EXOC4: variants seen among roughly 807,000 people sequenced by gnomAD.
EXOC4 encodes the protein exocyst complex component 4, also known as SEC8-like 1.
In EXOC4, 71 loss-of-function variants were observed where a neutral mutation model predicts 107.2. The observed-to-expected ratio is 0.66, with a 90% confidence interval of 0.55 to 0.81. The LOEUF is 0.81. EXOC4 is among the 30% of genes least tolerant of loss of function. EXOC4 has a pLI of 0.00. For missense variants in EXOC4, 1,108 were observed against 1,189.6 expected, an observed-to-expected ratio of 0.93 and a Z score of 1.01; for synonymous variants, 456 against 441.2, an observed-to-expected ratio of 1.03 and a Z score of -0.42.
chr7:133,772,380 A>T (rs926529829), intron 10 of EXOC4, among the ~76,000 whole-genome samples: 1 of 152,070 alleles, frequency 6.6e-6, no homozygotes, highest in African/African-American at 2.4e-5. Context: ...CATTAAATTC[A>T]AACTAGCAGG....
chr7:134,010,700 T>C (rs954794776), intron 17 of EXOC4, among the ~76,000 whole-genome samples: 1 of 152,232 alleles, frequency 6.6e-6, no homozygotes, highest in Middle Eastern at 3.2e-3. Flanking sequence ...ATAGGAATGT[T>C]ATCTTCTAAC....
intron 17 of EXOC4, among the ~76,000 whole-genome samples, chr7:134,054,350 C>G (rs537586961): frequency 6.6e-6 from 1 of 152,184 alleles, no homozygotes; most frequent in East Asian, 1.9e-4. Flanking sequence ...AAGGTTTCTC[C>G]CAACTATTGA....
At chr7:133,263,071 C>T (rs946133548) in intron 1 of EXOC4, among the ~76,000 whole-genome samples, 18 of 152,142 alleles carry the variant, frequency 1.2e-4, no homozygotes, top group Non-Finnish European at 2.4e-4. Flanking sequence ...TGACTTTGCT[C>T]CTCATTCGCC....
Position 133,619,984 on chromosome 7 carries a change from C to CTGTG in EXOC4, c.1418-10039_1418-10036dup, listed in dbSNP as rs34442997. Among the ~76,000 whole-genome samples, 1,153 of 149,554 alleles carry CTGTG rather than the reference C, an allele frequency of 7.7e-3. 12 individuals are homozygous for CTGTG. Among genetic ancestry groups the CTGTG allele is most frequent in the African/African-American group, 0.023 (945 of 40,694 alleles). On this transcript the variant is annotated intron_variant, in intron 9 of 17. Coordinates refer to ENST00000253861, the MANE Select transcript of EXOC4 (RefSeq NM_021807.4). ...CCTACCTTCTCTGTCTCCCTGTTTT[C>CTGTG]TGTGTGTGTGTGTGTGTGTGTGTGT...
intron 9 of EXOC4, among the ~76,000 whole-genome samples, chr7:133,597,447 G>A (rs1279840552): frequency 6.6e-6 from 1 of 151,570 alleles, no homozygotes; most frequent in Non-Finnish European, 1.5e-5. Flanking sequence ...CCAGCTGCTC[G>A]GCAGGCTGAG....
At chr7:133,866,800 A>G (rs1417481244) in intron 11 of EXOC4, among the ~76,000 whole-genome samples, 1 of 152,218 alleles carries the variant, frequency 6.6e-6, no homozygotes, top group Non-Finnish European at 1.5e-5. Flanking sequence ...AACTTGATCT[A>G]TGCATCCATT....
intron 17 of EXOC4, among the ~76,000 whole-genome samples, chr7:134,031,553 G>T (rs1361342698): frequency 6.6e-6 from 1 of 152,178 alleles, no homozygotes; most frequent in East Asian, 1.9e-4. Context: ...GGACTAAGGA[G>T]CTTCCAGGTA....
Position 133,382,384 on chromosome 7 carries a change from T to C in EXOC4, c.1182+7382T>C, listed in dbSNP as rs540011804. Among the ~76,000 whole-genome samples the C allele has an allele frequency of 4.7e-4, 71 of 152,278 alleles. 1 individual carries two copies. Among genetic ancestry groups the C allele is most frequent in the African/African-American group, 1.6e-3 (67 of 41,550 alleles). The stretch of plus-strand genomic sequence containing the variant: ...TAAATTATTGGGACCAACTATGTAC[T>C]GAGTACTGGGGAATAGAAAAAAATA... On this transcript the variant is annotated intron_variant, in intron 7 of 17. Coordinates refer to ENST00000253861, the MANE Select transcript of EXOC4 (RefSeq NM_021807.4).
intron 7 of EXOC4, among the ~76,000 whole-genome samples, chr7:133,418,787 T>C (rs1369633931): frequency 1.3e-5 from 2 of 152,198 alleles, no homozygotes; most frequent in Non-Finnish European, 1.5e-5. Flanking sequence ...GTGCATATCC[T>C]CTGACGCTGG....
intron 7 of EXOC4, among the ~76,000 whole-genome samples, chr7:133,433,952 C>G (rs1797910172): frequency 6.6e-6 from 1 of 152,104 alleles, no homozygotes; most frequent in Non-Finnish European, 1.5e-5. Flanking sequence ...GTTGTATGTC[C>G]TTAGTGGTAC....
At chr7:133,338,797 A>T (rs1428843441) in intron 5 of EXOC4, among the ~76,000 whole-genome samples, 2 of 127,460 alleles carry the variant, frequency 1.6e-5, no homozygotes, top group Non-Finnish European at 3.1e-5. Context: ...CTCGTTGCCC[A>T]GGCTGGAGTG....
intron 9 of EXOC4, among the ~76,000 whole-genome samples, chr7:133,508,704 C>T (rs1799711589): frequency 6.6e-6 from 1 of 152,128 alleles, no homozygotes; most frequent in Admixed American, 6.5e-5. Context: ...TACCTGTCTC[C>T]TCCATTTGGG....
intron 3 of EXOC4, among the ~76,000 whole-genome samples, chr7:133,304,633 A>G (rs1295482313): frequency 6.6e-6 from 1 of 152,158 alleles, no homozygotes; most frequent in Non-Finnish European, 1.5e-5. Flanking sequence ...TTCTCTGTTC[A>G]CTGTCCACAG....
At chr7:134,006,208 T>C (rs893250522) in intron 16 of EXOC4, among the ~76,000 whole-genome samples, 2 of 151,506 alleles carry the variant, frequency 1.3e-5, no homozygotes, top group African/African-American at 4.8e-5. Context: ...ATATTTATTA[T>C]AATATATTAT....
At chr7:133,848,830 G>A (rs951406432) in intron 11 of EXOC4, among the ~76,000 whole-genome samples, 2 of 152,148 alleles carry the variant, frequency 1.3e-5, no homozygotes, top group South Asian at 2.1e-4. Context: ...TTCGAAATTT[G>A]GGAGCATCAG....
chr7:133,621,519 G>A (rs1017736647), intron 9 of EXOC4, among the ~76,000 whole-genome samples: 2 of 152,136 alleles, frequency 1.3e-5, no homozygotes, highest in Non-Finnish European at 2.9e-5. Flanking sequence ...TCCAACACAC[G>A]TAAGATACTG....
At chr7:133,335,239 C>T (rs10228242) in intron 5 of EXOC4, among the ~76,000 whole-genome samples, 46,643 of 151,896 alleles carry the variant, frequency 0.31, 7,491 homozygotes, top group South Asian at 0.43. Context: ...TTTACTGTGT[C>T]AACCATTTCT....
chr7:133,592,758 A>G (rs1801579834), intron 9 of EXOC4, among the ~76,000 whole-genome samples: 1 of 152,174 alleles, frequency 6.6e-6, no homozygotes, highest in Non-Finnish European at 1.5e-5. Context: ...ACGCACCACC[A>G]TGCCCAGCTA....
chr7:133,299,519 A>G (rs1189945789), intron 3 of EXOC4, among the ~76,000 whole-genome samples: 2 of 152,222 alleles, frequency 1.3e-5, no homozygotes, highest in African/African-American at 2.4e-5. Context: ...GGAACCCTGA[A>G]GAATGCTTAA....
Sources: gnomAD v4.1 joint callset for allele counts (sites outside exome capture counted in the v4.1 genomes callset) on GRCh38, gnomAD v4.1.1 for gene constraint, MANE v1.5 for transcripts, NCBI Gene and HGNC (gene_info 2026-07-23, HGNC 2026-07-21) for gene names.